The following BLNK variants were observed in gnomAD, a reference collection of about 807,000 sequenced individuals.
BLNK encodes B-cell linker protein.
BLNK carries 29 observed loss-of-function variants against 73.5 expected under a neutral mutation model. That is an observed-to-expected ratio of 0.39 (90% CI 0.29 to 0.54). The LOEUF (loss-of-function observed/expected upper bound fraction) is 0.54. Among genes scored for constraint, BLNK ranks in the 20% least tolerant of loss-of-function variants. The pLI is 0.61. For missense variants in BLNK, 460 were observed against 562.8 expected (o/e 0.82, Z 1.85); for synonymous variants, 176 against 200.8 (o/e 0.88, Z 1.04).
intron 11 of BLNK, among the ~76,000 whole-genome samples, chr10:96,205,664 C>T (rs2083780994): frequency 6.6e-6 from 1 of 152,244 alleles, no homozygotes; most frequent in African/African-American, 2.4e-5. Context: ...CTGCCTCCGC[C>T]ATCCTGATTC....
chr10:96,224,268 T>A (rs1554901945), intron 5 of BLNK, among the ~76,000 whole-genome samples: 1 of 152,156 alleles, frequency 6.6e-6, no homozygotes, highest in Non-Finnish European at 1.5e-5. Flanking sequence ...AACCCAACAC[T>A]TGGCCACACA....
rs1554893167 is a variant in BLNK at position 96,190,707 on chromosome 10, A to G, written c.*1266T>C. The stretch of plus-strand genomic sequence containing the variant: ...CAAGTGTGTTCCCCATTTAATTATT[A>G]GACTTAATTAGCTGCTTTATCACTT... On this transcript the variant is annotated 3_prime_UTR_variant, in exon 17 of 17. Coordinates refer to ENST00000224337, the MANE Select transcript of BLNK (RefSeq NM_013314.4). Among the ~76,000 whole-genome samples the G allele has an allele frequency of 6.6e-6, 1 of 152,216 alleles. No homozygotes were observed. Among genetic ancestry groups the G allele is most frequent in the African/African-American group, 2.4e-5 (1 of 41,438 alleles).
intron 1 of BLNK, among the ~76,000 whole-genome samples, chr10:96,254,723 C>G (rs1027541104): frequency 1.3e-5 from 2 of 152,006 alleles, no homozygotes; most frequent in African/African-American, 4.8e-5. Flanking sequence ...GTTGGCCAGG[C>G]TGGTCTCGAA....
At chr10:96,217,789 C>G (rs989126819) in intron 6 of BLNK, among the ~76,000 whole-genome samples, 1 of 152,150 alleles carries the variant, frequency 6.6e-6, no homozygotes, top group African/African-American at 2.4e-5. Context: ...ATTGGTGGCA[C>G]AAAACGTTTA....
chr10:96,208,921 A>G (rs2083884910), intron 9 of BLNK, among the ~76,000 whole-genome samples: 1 of 152,332 alleles, frequency 6.6e-6, no homozygotes, highest in South Asian at 2.1e-4. Flanking sequence ...AACCTTCAAC[A>G]TGGAGGCTTT....
rs187295562 is a variant in BLNK at position 96,201,651 on chromosome 10, T to C, written c.935-593A>G. On this transcript the variant is annotated intron_variant, in intron 13 of 16. Coordinates refer to ENST00000224337, the MANE Select transcript of BLNK (RefSeq NM_013314.4). ...AAAGTGGTTCTGAGACCAAAATGTC[T>C]GAGAATTGCTGACTTCAGGCATCAA... 1.2e-4 allele frequency among the ~76,000 whole-genome samples: 18 copies of C among 152,334 alleles called. No homozygotes were observed. The East Asian group carries it at 1.3e-3, about 11-fold the overall frequency.
intron 1 of BLNK, among the ~76,000 whole-genome samples, chr10:96,261,834 A>G (rs1843769496): frequency 6.6e-6 from 1 of 152,220 alleles, no homozygotes; most frequent in Admixed American, 6.5e-5. Context: ...GAGTAGGGAC[A>G]TTAATACACT....
At position 96,242,745 on chromosome 10, in the gene BLNK, G is replaced by C; in HGVS notation, c.153C>G (p.Asp51Glu). Residue 51 changes from aspartate (D) to glutamate (E), a missense_variant, in exon 3 of 17, where the codon GAC (aspartate) becomes GAG (glutamate). Asp to Glu is a conservative substitution (Grantham distance 45, BLOSUM62 2). Coordinates refer to ENST00000224337, the MANE Select transcript of BLNK (RefSeq NM_013314.4). ...VKAPPSVPRRDYASESPADEE... is the reference protein window; with the variant it reads ...VKAPPSVPRREYASESPADEE... ...TGAGAAATACCTTACCTGAAGCGTA[G>C]TCCCTTCGAGGAACACTTGGAGGTG... 6.2e-7 allele frequency: 1 copy of C among 1,613,976 alleles called. No individual in the cohort carries two copies. The highest frequency in any genetic ancestry group is 8.5e-7 in the Non-Finnish European group (1 of 1,179,826).
intron 13 of BLNK, 131 bp from the exon 14 acceptor site, chr10:96,201,189 C>A: frequency 1.2e-6 from 1 of 811,334 alleles, no homozygotes. Context: ...GGCAATGGTT[C>A]CAAAAGTGTG....
At chr10:96,237,113 G>A (rs1554905225) in intron 3 of BLNK, among the ~76,000 whole-genome samples, 1 of 152,138 alleles carries the variant, frequency 6.6e-6, no homozygotes, top group Non-Finnish European at 1.5e-5. Flanking sequence ...CCTATGGCAG[G>A]ACTGATGTTG....
intron 1 of BLNK, among the ~76,000 whole-genome samples, chr10:96,249,495 G>A (rs1843187602): frequency 6.6e-6 from 1 of 152,242 alleles, no homozygotes; most frequent in South Asian, 2.1e-4. Flanking sequence ...CTCTATTGAG[G>A]GCAGGCCCTC....
Position 96,230,735 on chromosome 10 carries a change from C to T in BLNK, c.204+59G>A, listed in dbSNP as rs2290713. On this transcript the variant is annotated intron_variant, in intron 4 of 16. Coordinates refer to ENST00000224337, the MANE Select transcript of BLNK (RefSeq NM_013314.4). ...CCAGCATGTAATTCAGAAATAAGAT[C>T]TTCAAAAGGCCTCCCATGGGACCCT... is the stretch of plus-strand genomic sequence containing the variant. 0.012 allele frequency: 19,133 copies of T among 1,555,698 alleles called. 1,328 individuals carry two copies. The East Asian group carries it at 0.21, about 17-fold the overall frequency.
chr10:96,197,497 A>G (rs1325036529), intron 15 of BLNK, among the ~76,000 whole-genome samples: 1 of 152,120 alleles, frequency 6.6e-6, no homozygotes, highest in Non-Finnish European at 1.5e-5. Context: ...TGTGCTAAAT[A>G]AGGTTTTATG....
At chr10:96,270,067 G>C (rs1271435725) in intron 1 of BLNK, among the ~76,000 whole-genome samples, 1 of 152,082 alleles carries the variant, frequency 6.6e-6, no homozygotes, top group African/African-American at 2.4e-5. Flanking sequence ...CCTCATGAGG[G>C]TGTAGCTATT....
intron 16 of BLNK, among the ~76,000 whole-genome samples, chr10:96,195,077 G>A (rs1554894394): frequency 6.6e-6 from 1 of 152,118 alleles, no homozygotes; most frequent in East Asian, 1.9e-4. Context: ...CCAGAGAAAT[G>A]CAAATTAAAA....
intron 13 of BLNK, among the ~76,000 whole-genome samples, chr10:96,201,619 G>C (rs2083637669): frequency 6.6e-6 from 1 of 152,218 alleles, no homozygotes; most frequent in South Asian, 2.1e-4. Context: ...ATTATTTTAA[G>C]AGTGTTAAAG....
chr10:96,252,371 C>G (rs1189490361), intron 1 of BLNK, among the ~76,000 whole-genome samples: 1 of 152,154 alleles, frequency 6.6e-6, no homozygotes, highest in African/African-American at 2.4e-5. Context: ...TAACAAATTC[C>G]CAGGTGGTGC....
chr10:96,237,226 C>T (rs1442518006), intron 3 of BLNK, among the ~76,000 whole-genome samples: 1 of 152,138 alleles, frequency 6.6e-6, no homozygotes, highest in Non-Finnish European at 1.5e-5. Flanking sequence ...AGCACCAGGC[C>T]CATGACAAAA....
At chr10:96,242,996 C>T (rs1276076585) in intron 2 of BLNK, among the ~76,000 whole-genome samples, 1 of 152,136 alleles carries the variant, frequency 6.6e-6, no homozygotes, top group Non-Finnish European at 1.5e-5. Context: ...AGTGCATGCA[C>T]AATGTGGCTA....
Sources: allele counts gnomAD v4.1 joint callset (sites outside exome capture counted in the v4.1 genomes callset), GRCh38; gene constraint gnomAD v4.1.1; transcripts MANE v1.5; gene names NCBI Gene and HGNC (gene_info 2026-07-23, HGNC 2026-07-21).